Variants in ODAD4 observed in about 807,000 individuals in gnomAD.
The protein encoded by ODAD4 is outer dynein arm docking complex subunit 4, also known as outer dynein arm-docking complex subunit 4.
A neutral mutation model predicts 51.8 loss-of-function variants in ODAD4; 49 were observed. The ratio of observed to expected loss-of-function variants is 0.95; its 90% CI spans 0.75 to 1.20. The LOEUF (loss-of-function observed/expected upper bound fraction) is 1.20, where lower values mean the gene tolerates loss of function less well. Among genes scored for constraint, ODAD4 ranks in the 50% most tolerant of loss-of-function variants. The pLI is 0.00. For synonymous variants in ODAD4, 235 were observed against 221.3 expected (o/e 1.06, Z -0.55); for missense variants, 590 against 586.5 (o/e 1.01, Z -0.06).
intron 9 of ODAD4, among the ~76,000 whole-genome samples, chr17:41,954,088 C>G (rs1263699646): frequency 1.3e-5 from 2 of 151,098 alleles, no homozygotes; most frequent in African/African-American, 4.9e-5. Flanking sequence ...GAGGTTCAAG[C>G]AATTCTTCTG....
In ODAD4 at chr17:41,956,825, C is replaced by A. The variant is rs140197208; in HGVS notation, c.1443+1508C>A. 1.4e-4 allele frequency among the ~76,000 whole-genome samples: 21 copies of A among 152,126 alleles called. No homozygotes were observed. In the East Asian group the frequency reaches 3.9e-3, roughly 28 times the overall value. On this transcript the variant is annotated intron_variant, in intron 10 of 11. Coordinates refer to ENST00000377540, the MANE Select transcript of ODAD4 (RefSeq NM_031421.5). ...CTCAAACTCTTTGCCTCAAATGATT[C>A]TCCTGCCTTGACCTGCCAAAGTGCT... is the stretch of plus-strand genomic sequence containing the variant.
At chr17:41,935,183 T>C (rs376276139) in intron 1 of ODAD4, 34 bp from the exon 2 acceptor site, 2 of 1,613,212 alleles carry the variant, frequency 1.2e-6, no homozygotes, top group East Asian at 4.5e-5. Context: ...TTGCTCTTCA[T>C]GCTGGCTGTC....
At position 41,965,415 on chromosome 17, in the gene ODAD4, A is replaced by G. The variant is rs1555642530; in HGVS notation, c.1951A>G (p.Lys651Glu). 1.3e-6 allele frequency: 1 copy of G among 778,910 alleles called. No individual in the cohort carries two copies. The highest frequency in any genetic ancestry group is 1.4e-5 in the South Asian group (1 of 74,008). The allele number at this position is 778,910 out of a possible 1,614,324, so 48.2% of individuals were successfully genotyped here. The change falls in exon 12 of 12, where the codon AAA becomes GAA. Residue 651 changes from lysine (K) to glutamate (E), a missense_variant. Physicochemically the swap from Lys to Glu is moderately conservative, Grantham distance 56 (BLOSUM62 1). Transcript: ENST00000377540. ...VGRREPEELGKTQFGEIGETK... is the reference protein window; with the variant it reads ...VGRREPEELGETQFGEIGETK... Reference sequence around the variant, plus strand: ...CAGAAGAGAGCCAGAAGAACTGGGAAAAACACAATTTGGAGAAATAGGAGA... The same window carrying G: ...CAGAAGAGAGCCAGAAGAACTGGGAGAAACACAATTTGGAGAAATAGGAGA...
At chr17:41,936,583 G>T in intron 4 of ODAD4, 49 bp downstream of exon 4, 1 of 1,561,088 alleles carries the variant, frequency 6.4e-7, no homozygotes, top group Non-Finnish European at 8.8e-7. Flanking sequence ...AAGAGGCTAT[G>T]TGTGCCTGAG....
Position 41,938,666 on chromosome 17 carries a change from C to A in ODAD4, c.735C>A (p.Ile245=). Residue 245 remains isoleucine, a synonymous_variant, in exon 6 of 12, where the codon ATC becomes ATA. Transcript: ENST00000377540. ...ACTTCTGGAGGCAGCAGAAGCCGAT[C>A]TACGCCAGGGAGCGGGACCGGAAGC... ...HSNFWRQQKP[I]YARERDRKLM... The A allele has an allele frequency of 6.2e-7, 1 of 1,614,012 alleles. No homozygotes were observed. The highest frequency in any genetic ancestry group is 8.5e-7 in the Non-Finnish European group (1 of 1,179,906).
intron 3 of ODAD4, among the ~76,000 whole-genome samples, chr17:41,936,142 C>A (rs1555637756): frequency 6.6e-6 from 1 of 152,212 alleles, no homozygotes. Flanking sequence ...TAGCCATCAG[C>A]ATTATGGCAG....
chr17:41,956,938 C>G (rs782784599), intron 10 of ODAD4, among the ~76,000 whole-genome samples: 2 of 152,142 alleles, frequency 1.3e-5, no homozygotes, highest in Non-Finnish European at 2.9e-5. Context: ...CAGAGTGTCT[C>G]TCTGTCACAC....
intron 9 of ODAD4, among the ~76,000 whole-genome samples, chr17:41,953,588 G>T (rs2050687736): frequency 6.6e-6 from 1 of 151,936 alleles, no homozygotes. Context: ...GTGGAGGATT[G>T]CTTGAGGCCA....
intron 9 of ODAD4, among the ~76,000 whole-genome samples, chr17:41,953,403 T>TATA (rs2050685237): frequency 6.6e-6 from 1 of 152,014 alleles, no homozygotes; most frequent in Non-Finnish European, 1.5e-5. Context: ...AGGGCTTATT[T>TATA]TCCCCATGGG....
Position 41,930,678 on chromosome 17 carries a change from C to A in ODAD4, c.-46C>A. 7.7e-7 allele frequency: 1 copy of A among 1,298,490 alleles called. No individual in the cohort carries two copies. Among genetic ancestry groups the A allele is most frequent in the Non-Finnish European group, 1.1e-6 (1 of 912,694 alleles). 80.4% of individuals were successfully genotyped at this position (1,298,490 alleles called of 1,614,324 possible). A position where few individuals can be genotyped will look rare whatever the true frequency, so the allele number is the denominator to read the frequency against. The stretch of plus-strand genomic sequence containing the variant: ...CACAAACCAGATAGAGGTTCTCCAG[C>A]TTTTCTTTGATTGTCTCTGCTTTAG... On this transcript the variant is annotated 5_prime_UTR_variant, in exon 1 of 12. Coordinates refer to ENST00000377540, the MANE Select transcript of ODAD4 (RefSeq NM_031421.5).
intron 9 of ODAD4, among the ~76,000 whole-genome samples, chr17:41,950,287 T>G (rs1461074995): frequency 6.6e-6 from 1 of 151,832 alleles, no homozygotes; most frequent in Non-Finnish European, 1.5e-5. Flanking sequence ...TTGTATTGAA[T>G]CATTATGATG....
chr17:41,935,515 C>G, intron 2 of ODAD4, 84 bp from the exon 3 acceptor site: 1 of 1,528,192 alleles, frequency 6.5e-7, no homozygotes, highest in South Asian at 1.2e-5. Context: ...CCTTGACCTT[C>G]AACCCAGGAC....
chr17:41,937,241 C>T (rs1286739904), intron 5 of ODAD4, among the ~76,000 whole-genome samples: 5 of 152,204 alleles, frequency 3.3e-5, no homozygotes, highest in Non-Finnish European at 7.3e-5. Context: ...ACCATAGTCC[C>T]TGAAGGGACA....
chr17:41,931,012 A>G (rs1352267210), intron 1 of ODAD4, among the ~76,000 whole-genome samples, 175 bp downstream of exon 1: 1 of 138,412 alleles, frequency 7.2e-6, no homozygotes, highest in Non-Finnish European at 1.5e-5. Flanking sequence ...TCCTGCCTCC[A>G]CCTCCCAAGT....
chr17:41,960,336 TACTC>T lies in ODAD4; in HGVS notation c.1444-1044_1444-1041del, dbSNP rs1344155192. ...AAAAACAAACAAACAAAAAAACAGT[TACTC>T]AGGAGGCTGAGGCAGGAGAATGGCG... On this transcript the variant is annotated intron_variant, in intron 10 of 11. Coordinates refer to ENST00000377540, the MANE Select transcript of ODAD4 (RefSeq NM_031421.5). 5.9e-5 allele frequency among the ~76,000 whole-genome samples: 9 copies of T among 151,582 alleles called. 1 individual carries two copies. Among genetic ancestry groups the T allele is most frequent in the African/African-American group, 1.5e-4 (6 of 41,018 alleles).
At chr17:41,963,165 T>C (rs1407846756) in intron 11 of ODAD4, among the ~76,000 whole-genome samples, 1 of 152,124 alleles carries the variant, frequency 6.6e-6, no homozygotes, top group Non-Finnish European at 1.5e-5. Flanking sequence ...GTGGCAGCAT[T>C]GCATCTGTTT....
chr17:41,951,335 A>G (rs1165652882), intron 9 of ODAD4, among the ~76,000 whole-genome samples: 2 of 150,156 alleles, frequency 1.3e-5, no homozygotes, highest in African/African-American at 2.5e-5. Context: ...TGCCTGCTTC[A>G]GCCTCCCAAA....
rs200610016 is a variant in ODAD4 at position 41,965,283 on chromosome 17, G to C, written c.1819G>C (p.Glu607Gln). ...GAAGCTACTAGAAGCTGGCAGAAGAGAGTCAAGAGAAATTTATAGGAGGCC... is the reference window on the plus strand; with the variant it reads ...GAAGCTACTAGAAGCTGGCAGAAGACAGTCAAGAGAAATTTATAGGAGGCC... ...GRKLLEAGRRESREIYRRPSG... is the reference protein window; with the variant it reads ...GRKLLEAGRRQSREIYRRPSG... The change falls in exon 12 of 12, where the codon GAG becomes CAG. Residue 607 changes from glutamate to glutamine, a missense_variant. By Grantham distance (29) the Glu-to-Gln change is conservative. This residue lies in a region of ODAD4 where 226 missense variants were observed against 162.7 expected (regional missense o/e 1.39). Coordinates refer to ENST00000377540, the MANE Select transcript of ODAD4 (RefSeq NM_031421.5). 4 of 779,638 alleles carry C rather than the reference G, an allele frequency of 5.1e-6. No homozygotes were observed. The highest frequency in any genetic ancestry group is 1.7e-5 in the Admixed American group (1 of 58,824). 48.3% of individuals were successfully genotyped at this position (779,638 alleles called of 1,614,324 possible). A position where few individuals can be genotyped will look rare whatever the true frequency, so the allele number is the denominator to read the frequency against.
chr17:41,952,539 CCAAAAAAAAAAAAA>C, intron 9 of ODAD4: 1 of 203,650 alleles, frequency 4.9e-6, no homozygotes, highest in Non-Finnish European at 9.3e-6. Context: ...GACCCTCACT[CCAAAAAAAAAAAAA>C]AAAAAAAAAA....
Sources: allele counts gnomAD v4.1 joint callset (sites outside exome capture counted in the v4.1 genomes callset), GRCh38; gene constraint gnomAD v4.1.1; regional missense constraint gnomAD v4.1.1; transcripts MANE v1.5; gene names NCBI Gene and HGNC (gene_info 2026-07-23, HGNC 2026-07-21).